Variants in RABGAP1L observed in about 807,000 individuals in gnomAD.
The protein encoded by RABGAP1L is rab GTPase-activating protein 1-like.
A neutral mutation model predicts 137.7 loss-of-function variants in RABGAP1L; 63 were observed. That is an observed-to-expected ratio of 0.46 (90% CI 0.37 to 0.56). RABGAP1L has a LOEUF of 0.56. RABGAP1L is among the 20% of genes least tolerant of loss of function. RABGAP1L has a pLI of 0.00. For synonymous variants in RABGAP1L, 431 were observed against 433.7 expected (o/e 0.99, Z 0.08); for missense variants, 1,095 against 1,244.0 (o/e 0.88, Z 1.80).
At chr1:174,347,522 T>A (rs186111453) in intron 11 of RABGAP1L, among the ~76,000 whole-genome samples, 1 of 151,314 alleles carries the variant, frequency 6.6e-6, no homozygotes, top group Admixed American at 6.6e-5. Context: ...AGACTGAGTC[T>A]TGCTCTGTCA....
chr1:174,423,711 C>T (rs1651622991), intron 13 of RABGAP1L, among the ~76,000 whole-genome samples: 3 of 152,102 alleles, frequency 2.0e-5, no homozygotes, highest in Admixed American at 1.3e-4. Context: ...TCCTAGTTCG[C>T]TTTCTCCCTC....
intron 19 of RABGAP1L, among the ~76,000 whole-genome samples, chr1:174,952,024 T>C (rs1163554545): frequency 6.6e-6 from 1 of 152,178 alleles, no homozygotes; most frequent in Non-Finnish European, 1.5e-5. Context: ...CTGTTATTTC[T>C]CTTTTCTGTG....
intron 14 of RABGAP1L, among the ~76,000 whole-genome samples, chr1:174,675,403 A>G (rs1176204357): frequency 6.6e-6 from 1 of 151,946 alleles, no homozygotes; most frequent in Non-Finnish European, 1.5e-5. Flanking sequence ...AGTTGTAGAT[A>G]TGTGGCGTTA....
intron 14 of RABGAP1L, among the ~76,000 whole-genome samples, chr1:174,652,675 G>T (rs143171610): frequency 6.6e-6 from 1 of 152,176 alleles, no homozygotes; most frequent in Admixed American, 6.6e-5. Flanking sequence ...TGGAGGCTTT[G>T]TCCTAGAGAG....
chr1:174,606,101 G>T (rs892675608), intron 13 of RABGAP1L, among the ~76,000 whole-genome samples: 1 of 151,998 alleles, frequency 6.6e-6, no homozygotes, highest in Non-Finnish European at 1.5e-5. Context: ...ATTTATTTTG[G>T]TGCAAATTTT....
At chr1:174,400,576 G>C (rs1196315467) in intron 13 of RABGAP1L, among the ~76,000 whole-genome samples, 1 of 152,050 alleles carries the variant, frequency 6.6e-6, no homozygotes. Context: ...TATTGTGTTA[G>C]GTCCTGGATA....
At chr1:174,536,120 A>C (rs1263361533) in intron 13 of RABGAP1L, among the ~76,000 whole-genome samples, 1 of 151,848 alleles carries the variant, frequency 6.6e-6, no homozygotes, top group Non-Finnish European at 1.5e-5. Flanking sequence ...CTCTTTGCAA[A>C]TATCTTTTGA....
At chr1:174,958,131 A>G (rs1168388280) in intron 20 of RABGAP1L, 12 of 1,494,492 alleles carry the variant, frequency 8.0e-6, no homozygotes, top group Non-Finnish European at 9.8e-6. Context: ...AGAAAATGTT[A>G]AAAATACCAA....
intron 13 of RABGAP1L, among the ~76,000 whole-genome samples, chr1:174,542,173 A>G (rs1388041632): frequency 1.3e-5 from 2 of 152,210 alleles, no homozygotes; most frequent in Non-Finnish European, 2.9e-5. Context: ...GAATGGTACC[A>G]GTTCCTCCTT....
At chr1:174,528,051 A>G (rs1664063330) in intron 13 of RABGAP1L, among the ~76,000 whole-genome samples, 1 of 152,032 alleles carries the variant, frequency 6.6e-6, no homozygotes, top group South Asian at 2.1e-4. Context: ...CAGGTAAAGT[A>G]CATTTCTTGT....
chr1:174,296,925 A>T (rs1488782173), intron 10 of RABGAP1L, among the ~76,000 whole-genome samples: 2 of 152,234 alleles, frequency 1.3e-5, no homozygotes, highest in East Asian at 1.9e-4. Context: ...ATACAAATAA[A>T]AAACAAGTAC....
intron 13 of RABGAP1L, among the ~76,000 whole-genome samples, chr1:174,403,282 CTTTTT>C (rs796504266): frequency 7.6e-6 from 1 of 130,770 alleles, no homozygotes; most frequent in East Asian, 2.2e-4. Context: ...TTTCTTCTCT[CTTTTT>C]TTTTTTTAAG....
chr1:174,645,521 C>A (rs1214786339), intron 14 of RABGAP1L, among the ~76,000 whole-genome samples: 1 of 151,886 alleles, frequency 6.6e-6, no homozygotes, highest in African/African-American at 2.4e-5. Flanking sequence ...TTTCCAGCTT[C>A]ATCCATGTCC....
chr1:174,384,544 T>A (rs1293499700), intron 12 of RABGAP1L, among the ~76,000 whole-genome samples: 1 of 152,166 alleles, frequency 6.6e-6, no homozygotes, highest in Admixed American at 6.5e-5. Flanking sequence ...AAAAAGAAAT[T>A]TATGTCTTAT....
intron 19 of RABGAP1L, among the ~76,000 whole-genome samples, chr1:174,930,738 C>T (rs980472155): frequency 1.3e-5 from 2 of 152,176 alleles, no homozygotes; most frequent in African/African-American, 4.8e-5. Flanking sequence ...TGTTTTATAT[C>T]TCCCCCATCT....
intron 17 of RABGAP1L, among the ~76,000 whole-genome samples, chr1:174,703,199 T>A (rs1438754824): frequency 1.3e-5 from 2 of 152,198 alleles, no homozygotes; most frequent in Non-Finnish European, 2.9e-5. Flanking sequence ...AAGTCTGGGC[T>A]TTTAGTGTAA....
chr1:174,328,245 C>T (rs1463209727), intron 11 of RABGAP1L, among the ~76,000 whole-genome samples: 1 of 151,726 alleles, frequency 6.6e-6, no homozygotes, highest in Non-Finnish European at 1.5e-5. Flanking sequence ...TCAGAATTCA[C>T]ATTCTTCTCA....
chr1:174,920,986 G>A (rs547138527), intron 19 of RABGAP1L, among the ~76,000 whole-genome samples: 37 of 152,282 alleles, frequency 2.4e-4, no homozygotes, highest in African/African-American at 7.7e-4. Context: ...ACAGTGGAGC[G>A]ATCTTGGCTC....
At chr1:174,446,531 A>G (rs1654785593) in intron 13 of RABGAP1L, among the ~76,000 whole-genome samples, 1 of 152,186 alleles carries the variant, frequency 6.6e-6, no homozygotes, top group Admixed American at 6.5e-5. Context: ...TACTTTGGCA[A>G]ATGTTAACCT....
Sources: allele counts gnomAD v4.1 joint callset (sites outside exome capture counted in the v4.1 genomes callset), GRCh38; gene constraint gnomAD v4.1.1; transcripts MANE v1.5; gene names NCBI Gene and HGNC (gene_info 2026-07-23, HGNC 2026-07-21).